CHRFAM7A: variants seen among roughly 807,000 people sequenced by gnomAD.
The protein encoded by CHRFAM7A is CHRNA7 (exons 5-10) and FAM7A (exons A-E) fusion, also known as CHRNA7-FAM7A fusion protein.
Under a neutral mutation model 29.2 loss-of-function variants are expected in CHRFAM7A, and 3 were observed. The ratio of observed to expected loss-of-function variants is 0.10; its 90% CI spans 0.05 to 0.27. The LOEUF is 0.27. Ranked by LOEUF, CHRFAM7A falls within the 10% of genes least tolerant of loss-of-function variation. The pLI is 1.00. For missense variants in CHRFAM7A, 22 were observed against 328.0 expected (o/e 0.07, Z 7.21); for synonymous variants, 7 against 135.4 (o/e 0.05, Z 6.58).
chr15:30,375,777 G>A (rs1371290069), intron 5 of CHRFAM7A, among the ~76,000 whole-genome samples: 7 of 151,160 alleles, frequency 4.6e-5, no homozygotes, highest in Non-Finnish European at 7.4e-5. Context: ...AGTGGTGTGT[G>A]AGTGTTGAGT....
In CHRFAM7A at chr15:30,363,064, T is replaced by C. The variant is rs199628706; in HGVS notation, c.721-253A>G. Among the ~76,000 whole-genome samples the C allele has an allele frequency of 3.2e-4, 48 of 151,696 alleles. No homozygotes were observed. The East Asian group carries it at 8.9e-3, about 28-fold the overall frequency. Reference sequence around the variant, plus strand: ...TCTCCGGGGCAGGCACACTGCAATCTCAGGGAAGACAGCTTCGTGGAAGGG... The same window carrying C: ...TCTCCGGGGCAGGCACACTGCAATCCCAGGGAAGACAGCTTCGTGGAAGGG... On this transcript the variant is annotated intron_variant, in intron 9 of 9. Coordinates refer to ENST00000299847, the MANE Select transcript of CHRFAM7A (RefSeq NM_139320.2).
chr15:30,373,274 T>G, intron 5 of CHRFAM7A, 129 bp from the exon 6 acceptor site: 5 of 1,456,346 alleles, frequency 3.4e-6, no homozygotes, highest in Non-Finnish European at 4.7e-6. Flanking sequence ...AAACGGAATC[T>G]GTCTTTTTAT....
At chr15:30,390,817 GA>G (rs1451441207) in intron 1 of CHRFAM7A, among the ~76,000 whole-genome samples, 1 of 18,722 alleles carries the variant, frequency 5.3e-5, no homozygotes, top group Non-Finnish European at 8.8e-5. Flanking sequence ...TTAAATTTTG[GA>G]ATAAGTATTT....
intron 4 of CHRFAM7A, among the ~76,000 whole-genome samples, chr15:30,377,603 C>G: frequency 8.0e-6 from 1 of 125,392 alleles, no homozygotes; most frequent in Non-Finnish European, 1.7e-5. Context: ...GAGACAGAGT[C>G]TTGCTGTGTT....
intron 6 of CHRFAM7A, 110 bp from the exon 7 acceptor site, chr15:30,372,451 TAA>T (rs539274287): frequency 1.2e-3 from 57 of 47,228 alleles, no homozygotes; most frequent in African/African-American, 3.0e-3. Context: ...TGCAAAGTGC[TAA>T]AAAAAAAAAA....
chr15:30,375,393 G>T (rs979531835), intron 5 of CHRFAM7A, among the ~76,000 whole-genome samples: 5 of 145,220 alleles, frequency 3.4e-5, no homozygotes, highest in African/African-American at 1.3e-4. Flanking sequence ...CCATTGACAG[G>T]TTCACTCGCT....
chr15:30,383,426 G>GGA, intron 2 of CHRFAM7A, 44 bp from the exon 3 acceptor site: 1 of 539,132 alleles, frequency 1.9e-6, no homozygotes, highest in East Asian at 6.8e-5. Flanking sequence ...TTTTAAAGAT[G>GGA]GATATCTGTC....
chr15:30,374,441 C>A (rs901723063), intron 5 of CHRFAM7A, among the ~76,000 whole-genome samples: 1 of 116,002 alleles, frequency 8.6e-6, no homozygotes, highest in African/African-American at 3.3e-5. Context: ...TCATCACAGA[C>A]AATCCCCCTC....
chr15:30,377,467 G>A lies in CHRFAM7A; in HGVS notation c.81-358C>T, dbSNP rs1165102100. On this transcript the variant is annotated intron_variant, in intron 4 of 9. Transcript: ENST00000299847. Reference sequence around the variant, plus strand: ...GAAGAACAGAGGGTGGGTGAGGCACGCTGCCACCCTGTGAGCCTCATGGGG... The same window carrying A: ...GAAGAACAGAGGGTGGGTGAGGCACACTGCCACCCTGTGAGCCTCATGGGG... Among the ~76,000 whole-genome samples the A allele has an allele frequency of 3.5e-5, 5 of 142,922 alleles. 1 individual carries two copies. The East Asian group carries it at 8.1e-4, about 23-fold the overall frequency. The allele number at this position is 142,922 out of a possible 152,430, so 93.8% of individuals were successfully genotyped here.
At chr15:30,371,798 G>A (rs2058861834) in intron 7 of CHRFAM7A, among the ~76,000 whole-genome samples, 1 of 142,578 alleles carries the variant, frequency 7.0e-6, no homozygotes, top group Admixed American at 7.2e-5. Flanking sequence ...CTGATACTAA[G>A]CTAAATTGTT....
intron 5 of CHRFAM7A, among the ~76,000 whole-genome samples, chr15:30,373,693 C>T (rs1408154389): frequency 3.9e-5 from 4 of 103,586 alleles, no homozygotes; most frequent in African/African-American, 1.5e-4. Context: ...AAGCTGGGCA[C>T]AGTGTCTCAT....
At chr15:30,373,546 C>G (rs1225697441) in intron 5 of CHRFAM7A, among the ~76,000 whole-genome samples, 2 of 130,670 alleles carry the variant, frequency 1.5e-5, no homozygotes, top group East Asian at 2.0e-4. Flanking sequence ...GTGTGTGTGT[C>G]TGTTTGGTGC....
chr15:30,371,677 C>T (rs1295060195), intron 7 of CHRFAM7A, among the ~76,000 whole-genome samples: 1 of 147,468 alleles, frequency 6.8e-6, no homozygotes, highest in Non-Finnish European at 1.5e-5. Flanking sequence ...TGTTTAGCAA[C>T]TCTTTAAGAC....
chr15:30,371,024 T>C lies in CHRFAM7A; in HGVS notation c.610+74A>G, dbSNP rs1455594852. The C allele has an allele frequency of 2.7e-6, 4 of 1,457,852 alleles. No individual in the cohort carries two copies. The African/African-American group carries it at 4.5e-5, about 16-fold the overall frequency. 90.3% of individuals were successfully genotyped at this position (1,457,852 alleles called of 1,614,324 possible). A position where few individuals can be genotyped will look rare whatever the true frequency, so the allele number is the denominator to read the frequency against. On this transcript the variant is annotated intron_variant, in intron 8 of 9. Transcript: ENST00000299847. Reference sequence around the variant, plus strand: ...TGCAGCCGTATTTCTTCTAGTTTCATCTGCTGGGAAATCCTGGGCACACTC... The same window carrying C: ...TGCAGCCGTATTTCTTCTAGTTTCACCTGCTGGGAAATCCTGGGCACACTC...
At chr15:30,372,425 GCA>G in intron 6 of CHRFAM7A, 84 bp from the exon 7 acceptor site, 1 of 260,452 alleles carries the variant, frequency 3.8e-6, no homozygotes, top group Non-Finnish European at 5.4e-6. Flanking sequence ...CCACACACAA[GCA>G]CAGTCCTAAA....
chr15:30,376,068 T>TGTATGAGTGGTGTGAGTAGTGTGAGTG (rs1450386368), intron 5 of CHRFAM7A, among the ~76,000 whole-genome samples: 1,864 of 149,730 alleles, frequency 0.012, 1 homozygote, highest in African/African-American at 0.041. Context: ...GTGGGTGGTG[T>TGTATGAGTGGTGTGAGTAGTGTGAGTG]GTATGAGTGG....
chr15:30,371,391 A>G (rs1401988185), intron 7 of CHRFAM7A, among the ~76,000 whole-genome samples: 1 of 149,422 alleles, frequency 6.7e-6, no homozygotes, highest in East Asian at 1.9e-4. Flanking sequence ...GGAGTCTCTT[A>G]TGGAGACAAG....
intron 9 of CHRFAM7A, among the ~76,000 whole-genome samples, chr15:30,365,797 G>C (rs113897949): frequency 6.3e-5 from 7 of 110,822 alleles, no homozygotes; most frequent in South Asian, 7.0e-4. Context: ...AGCTACAAGT[G>C]AGTCTTTTTT....
chr15:30,367,280 C>T (rs569151861), intron 9 of CHRFAM7A, 138 bp downstream of exon 9: 34 of 965,296 alleles, frequency 3.5e-5, no homozygotes, highest in Admixed American at 8.0e-5. Flanking sequence ...AGTGAGACTC[C>T]GTCTCAAAAA....
Sources: gnomAD v4.1 joint callset for allele counts (sites outside exome capture counted in the v4.1 genomes callset) on GRCh38, gnomAD v4.1.1 for gene constraint, MANE v1.5 for transcripts, NCBI Gene and HGNC (gene_info 2026-07-23, HGNC 2026-07-21) for gene names.